LYPD6: variants seen among roughly 807,000 people sequenced by gnomAD.
The protein encoded by LYPD6 is ly6/PLAUR domain-containing protein 6.
Under a neutral mutation model 22.7 loss-of-function variants are expected in LYPD6, and 15 were observed. The observed-to-expected ratio is 0.66, with a 90% CI of 0.44 to 1.02. The LOEUF (loss-of-function observed/expected upper bound fraction) is 1.02, where lower values mean the gene tolerates loss of function less well. Ranked by LOEUF, LYPD6 falls within the 50% of genes least tolerant of loss-of-function variation. LYPD6 has a pLI of 0.00. For synonymous variants in LYPD6, 72 were observed against 77.5 expected, an observed-to-expected ratio of 0.93 and a Z score of 0.37; for missense variants, 189 against 208.4, an observed-to-expected ratio of 0.91 and a Z score of 0.57.
intron 1 of LYPD6, among the ~76,000 whole-genome samples, chr2:149,355,884 C>G (rs1681439336): frequency 6.6e-6 from 1 of 152,110 alleles, no homozygotes; most frequent in African/African-American, 2.4e-5. Context: ...TTGACTTACT[C>G]TCTGTGGACT....
chr2:149,331,678 A>G (rs1011912028), intron 1 of LYPD6, among the ~76,000 whole-genome samples: 1 of 152,126 alleles, frequency 6.6e-6, no homozygotes, highest in Non-Finnish European at 1.5e-5. Flanking sequence ...TTTGGTAGTC[A>G]CTTGTTGGAA....
At chr2:149,343,495 G>A (rs942893095) in intron 1 of LYPD6, among the ~76,000 whole-genome samples, 8 of 152,092 alleles carry the variant, frequency 5.3e-5, no homozygotes, top group Non-Finnish European at 7.4e-5. Flanking sequence ...CATTGATTCA[G>A]CCTTAGAAGA....
At chr2:149,477,031 G>GT (rs1417162540), downstream of LYPD6, among the ~76,000 whole-genome samples, 2 of 152,220 alleles carry the variant, frequency 1.3e-5, no homozygotes, top group Non-Finnish European at 2.9e-5. Flanking sequence ...GATGTCAGTG[G>GT]TGGGAGAGAA....
intron 1 of LYPD6, among the ~76,000 whole-genome samples, chr2:149,379,029 A>T (rs1159648889): frequency 6.6e-6 from 1 of 152,214 alleles, no homozygotes; most frequent in East Asian, 1.9e-4. Flanking sequence ...ATCTCAGGCT[A>T]TTTGAAGAAG....
intron 1 of LYPD6, among the ~76,000 whole-genome samples, chr2:149,428,462 A>T (rs1248983575): frequency 1.3e-5 from 2 of 152,162 alleles, no homozygotes; most frequent in African/African-American, 2.4e-5. Flanking sequence ...AGCAAGTTTC[A>T]TTCTCTTCTT....
chr2:149,366,566 A>G (rs894871475), intron 1 of LYPD6, among the ~76,000 whole-genome samples: 12 of 152,218 alleles, frequency 7.9e-5, no homozygotes, highest in African/African-American at 2.7e-4. Context: ...GATGGCAAGA[A>G]GAGTCCAGGG....
At chr2:149,396,287 CTA>C (rs1365759645) in intron 1 of LYPD6, among the ~76,000 whole-genome samples, 1 of 151,644 alleles carries the variant, frequency 6.6e-6, no homozygotes, top group Non-Finnish European at 1.5e-5. Flanking sequence ...GGTAACTGGT[CTA>C]TTCAATTTTC....
intron 1 of LYPD6, among the ~76,000 whole-genome samples, chr2:149,382,724 A>G (rs533443948): frequency 1.3e-5 from 2 of 152,306 alleles, no homozygotes; most frequent in South Asian, 2.1e-4. Flanking sequence ...AACAAAAACT[A>G]TAAGAATTGA....
intron 1 of LYPD6, among the ~76,000 whole-genome samples, chr2:149,365,731 T>TAC (rs1390098985): frequency 1.2e-3 from 184 of 152,342 alleles, no homozygotes; most frequent in Admixed American, 3.0e-3. Context: ...ACACTTGATC[T>TAC]TAGCCAAAAG....
chr2:149,431,774 T>C (rs1019331479), intron 1 of LYPD6, among the ~76,000 whole-genome samples: 1 of 152,132 alleles, frequency 6.6e-6, no homozygotes, highest in African/African-American at 2.4e-5. Flanking sequence ...GTGGGCTCTA[T>C]CAAAATTAAA....
intron 1 of LYPD6, among the ~76,000 whole-genome samples, chr2:149,420,673 G>A (rs1475617948): frequency 6.6e-6 from 1 of 152,114 alleles, no homozygotes; most frequent in Non-Finnish European, 1.5e-5. Context: ...AAGATGCCAT[G>A]GTAGTTTCAT....
chr2:149,359,920 A>G (rs1053978259), intron 1 of LYPD6, among the ~76,000 whole-genome samples: 3 of 152,204 alleles, frequency 2.0e-5, no homozygotes, highest in African/African-American at 4.8e-5. Flanking sequence ...AAAATAAACA[A>G]AAGAATGGCT....
intron 1 of LYPD6, among the ~76,000 whole-genome samples, chr2:149,365,006 T>C (rs1681634241): frequency 6.6e-6 from 1 of 152,208 alleles, no homozygotes; most frequent in South Asian, 2.1e-4. Context: ...TTTGAATCTC[T>C]CTCACTATCC....
chr2:149,428,706 G>A (rs1683238723), intron 1 of LYPD6, among the ~76,000 whole-genome samples: 1 of 152,204 alleles, frequency 6.6e-6, no homozygotes, highest in Admixed American at 6.5e-5. Context: ...CATGATTGGT[G>A]TTAGCAGAAG....
At chr2:149,394,943 G>A (rs1208092035) in intron 1 of LYPD6, among the ~76,000 whole-genome samples, 1 of 152,098 alleles carries the variant, frequency 6.6e-6, no homozygotes, top group Non-Finnish European at 1.5e-5. Context: ...ATTCAAAATG[G>A]TGGACAAGAT....
At chr2:149,363,327 A>T (rs1308711663) in intron 1 of LYPD6, among the ~76,000 whole-genome samples, 4 of 152,148 alleles carry the variant, frequency 2.6e-5, no homozygotes, top group Admixed American at 2.6e-4. Context: ...CTTCATAATC[A>T]CTGTATGGCA....
intron 2 of LYPD6, 77 bp from the exon 3 acceptor site, chr2:149,448,972 T>C (rs1683747876): frequency 8.8e-7 from 1 of 1,131,892 alleles, no homozygotes; most frequent in Non-Finnish European, 1.3e-6. Flanking sequence ...TTCTTTAAAA[T>C]AATGAAAATG....
rs1681370183 is a variant in LYPD6, at chr2:149,472,709, G to A, written c.*1859G>A. The stretch of plus-strand genomic sequence containing the variant: ...ATGCTAAGCACTTTACATAAGTTAG[G>A]ATTAATCCCTGCAAGAATCCTATAA... On this transcript the variant is annotated 3_prime_UTR_variant, in exon 5 of 5. Coordinates refer to ENST00000334166, the MANE Select transcript of LYPD6 (RefSeq NM_194317.5). 1 of 152,558 alleles carries A rather than the reference G, an allele frequency of 6.6e-6. No homozygotes were observed. The highest frequency in any genetic ancestry group is 2.1e-4 in the South Asian group (1 of 4,830). 9.5% of individuals were successfully genotyped at this position (152,558 alleles called of 1,614,324 possible).
chr2:149,376,123 A>C (rs973586280), intron 1 of LYPD6, among the ~76,000 whole-genome samples: 5 of 152,188 alleles, frequency 3.3e-5, no homozygotes, highest in African/African-American at 1.2e-4. Flanking sequence ...ACAGAAGCTG[A>C]AGTTGAGCAG....
Sources: allele counts gnomAD v4.1 joint callset (sites outside exome capture counted in the v4.1 genomes callset), GRCh38; gene constraint gnomAD v4.1.1; transcripts MANE v1.5; gene names NCBI Gene and HGNC (gene_info 2026-07-23, HGNC 2026-07-21).